EMILIN1: variants seen among roughly 807,000 people sequenced by gnomAD.
EMILIN1 encodes the protein elastin microfibril interfacer 1.
EMILIN1 carries 49 observed loss-of-function variants against 82.4 expected under a neutral mutation model. That is an observed-to-expected ratio of 0.59 (90% CI 0.47 to 0.75). The LOEUF (loss-of-function observed/expected upper bound fraction) is 0.75, where lower values mean the gene tolerates loss of function less well. Ranked by LOEUF, EMILIN1 falls within the 30% of genes least tolerant of loss-of-function variation. The pLI is 0.00. For synonymous variants in EMILIN1, 604 were observed against 602.2 expected (o/e 1.00, Z -0.04); for missense variants, 1,313 against 1,366.4 (o/e 0.96, Z 0.62).
chr2:27,082,477 C>T lies in EMILIN1; in HGVS notation c.906C>T (p.Cys302=). ...RQLEQRLQES[C]SVCLAGLDGF... The stretch of plus-strand genomic sequence containing the variant: ...TGGAGCAGCGGTTGCAGGAGTCCTG[C>T]TCCGTGTGCCTGGCCGGGCTAGATG... The change falls in exon 4 of 8, where the codon TGC becomes TGT. Residue 302 remains cysteine, a synonymous_variant. Transcript: ENST00000380320. 1 of 1,557,154 alleles carries T rather than the reference C, an allele frequency of 6.4e-7. No homozygotes were observed. The highest frequency in any genetic ancestry group is 1.2e-5 in the South Asian group (1 of 86,082).
rs753912561 is a variant in EMILIN1, at chr2:27,082,572, A to T, written c.1001A>T (p.Glu334Val). 1 of 1,542,234 alleles carries T rather than the reference A, an allele frequency of 6.5e-7. No homozygotes were observed. The highest frequency in any genetic ancestry group is 2.0e-5 in the Admixed American group (1 of 50,864). ...ATGGAGAAGCTGCTGGCCTCGGTGG[A>T]GGAGCGGCAACGGCACCTCGCAGGG... ...RAMEKLLASVEERQRHLAGLA... is the reference protein window; with the variant it reads ...RAMEKLLASVVERQRHLAGLA... The change falls in exon 4 of 8, where the codon GAG becomes GTG. Residue 334 changes from glutamate to valine, a missense_variant. Coordinates refer to ENST00000380320, the MANE Select transcript of EMILIN1 (RefSeq NM_007046.4).
At chr2:27,081,852 G>A (rs1414266098) in intron 3 of EMILIN1, among the ~76,000 whole-genome samples, 6 of 152,226 alleles carry the variant, frequency 3.9e-5, no homozygotes, top group African/African-American at 1.2e-4. Context: ...CCTATATGAT[G>A]GGAAGAGTTC....
chr2:27,083,154 G>C lies in EMILIN1; in HGVS notation c.1583G>C (p.Arg528Pro), dbSNP rs371170446. The C allele has an allele frequency of 6.2e-7, 1 of 1,600,928 alleles. No homozygotes were observed. Among genetic ancestry groups the C allele is most frequent in the Non-Finnish European group, 8.5e-7 (1 of 1,172,628 alleles). Reference sequence around the variant, plus strand: ...ACGGTGGAAGCAGCGGGGGAGGCCCGGCAGGCCACGCTGGAGGGATTACAA... The same window carrying C: ...ACGGTGGAAGCAGCGGGGGAGGCCCCGCAGGCCACGCTGGAGGGATTACAA... Reference protein sequence around the residue: ...LHTVEAAGEARQATLEGLQEV... With the variant: ...LHTVEAAGEAPQATLEGLQEV... The change falls in exon 4 of 8, where the codon CGG becomes CCG. Residue 528 changes from arginine (R) to proline (P), a missense_variant. Arg to Pro is a moderately radical substitution (Grantham distance 103). Transcript: ENST00000380320.
intron 7 of EMILIN1, among the ~76,000 whole-genome samples, 170 bp from the exon 8 acceptor site, chr2:27,085,508 C>G (rs1461975168): frequency 6.6e-6 from 1 of 152,226 alleles, no homozygotes; most frequent in Non-Finnish European, 1.5e-5. Flanking sequence ...CCTGCTCCTG[C>G]CCAGGCACTG....
Position 27,083,614 on chromosome 2 carries a change from C to G in EMILIN1, c.2043C>G (p.Thr681=), listed in dbSNP as rs1481591605. The G allele has an allele frequency of 6.2e-7, 1 of 1,612,962 alleles. No homozygotes were observed. Among genetic ancestry groups the G allele is most frequent in the South Asian group, 1.1e-5 (1 of 90,996 alleles). The part of the protein sequence containing the change: ...QGADLADLGA[T]KDRIISEINR... ...CTGATCTGGCTGACCTGGGGGCAAC[C>G]AAGGACCGTATCATTTCTGAGATTA... Residue 681 remains threonine (T), a synonymous_variant, in exon 4 of 8, where the codon ACC becomes ACG. Transcript: ENST00000380320.
chr2:27,079,257 C>A, intron 1 of EMILIN1, 22 bp downstream of exon 1: 1 of 1,532,680 alleles, frequency 6.5e-7, no homozygotes. Context: ...GATCCCAGCC[C>A]GAGGCTTGGG....
At position 27,080,410 on chromosome 2, in the gene EMILIN1, C is replaced by T. The variant is rs1244302279; in HGVS notation, c.290+140C>T. 10 of 1,196,814 alleles carry T rather than the reference C, an allele frequency of 8.4e-6. No homozygotes were observed. The Admixed American group carries it at 9.0e-5, about 11-fold the overall frequency. 74.1% of individuals were successfully genotyped at this position (1,196,814 alleles called of 1,614,324 possible). On this transcript the variant is annotated intron_variant, in intron 2 of 7. Coordinates refer to ENST00000380320, the MANE Select transcript of EMILIN1 (RefSeq NM_007046.4). ...GGGTCACAGCCATTTTGAGGAGATA[C>T]TGAGACAACAGTTTGGCTGGTGGGA...
rs763085035 is a variant in EMILIN1 at position 27,080,761 on chromosome 2, G to A, written c.320G>A (p.Arg107His). 57 of 1,613,550 alleles carry A rather than the reference G, an allele frequency of 3.5e-5. No individual in the cohort carries two copies. Among genetic ancestry groups the A allele is most frequent in the South Asian group, 7.7e-5 (7 of 91,000 alleles). ...CGCCGCTTCCTCCGCCCTCGCTACC[G>A]TGTGGCCTACAAGACAGTGACCGAC... ...MYRRFLRPRY[R>H]VAYKTVTDME... is the part of the protein sequence containing the mutation. The change falls in exon 3 of 8, where the codon CGT (arginine) becomes CAT (histidine). Residue 107 changes from arginine to histidine, a missense_variant. Coordinates refer to ENST00000380320, the MANE Select transcript of EMILIN1 (RefSeq NM_007046.4).
rs774795351 is a variant in EMILIN1, at chr2:27,079,191, G to T, written c.126G>T (p.Gly42=). Residue 42 remains glycine, a synonymous_variant, in exon 1 of 8, where the codon GGG becomes GGT. Transcript: ENST00000380320. ...GTTCCAGTGGGGCCCTCAGCCCCGG[G>T]GGGCCCCAGGCCCAGATTGCCCCCC... ...YTGSSGALSP[G]GPQAQIAPRP... The T allele has an allele frequency of 1.8e-5, 29 of 1,582,152 alleles. No individual in the cohort carries two copies. The East Asian group carries it at 6.6e-4, about 36-fold the overall frequency.
intron 1 of EMILIN1, among the ~76,000 whole-genome samples, chr2:27,079,901 C>T (rs1669444208): frequency 6.6e-6 from 1 of 152,218 alleles, no homozygotes; most frequent in Non-Finnish European, 1.5e-5. Flanking sequence ...GGGACCCCAC[C>T]ACCATGAGGA....
At chr2:27,079,529 GCCTCAGGGAGAACTTTTGT>G (rs1402291214) in intron 1 of EMILIN1, among the ~76,000 whole-genome samples, 1 of 152,144 alleles carries the variant, frequency 6.6e-6, no homozygotes, top group Non-Finnish European at 1.5e-5. Flanking sequence ...TAGCCCCAGA[GCCTCAGGGAGAACTTTTGT>G]CCCCTTCTAG....
rs1206643464 is a variant in EMILIN1, at chr2:27,083,895, T to G, written c.2324T>G (p.Leu775Arg). The part of the protein sequence containing the change: ...TNTTSQMQAA[L>R]LEKLVGGQAG... ...ACCACCAGCCAGATGCAGGCAGCCC[T>G]GCTGGAGAAGCTGGTCGGGGGACAG... Residue 775 changes from leucine (L) to arginine (R), a missense_variant, in exon 4 of 8, where the codon CTG (leucine) becomes CGG (arginine). By Grantham distance (102) the Leu-to-Arg change is moderately radical (BLOSUM62 -2). Coordinates refer to ENST00000380320, the MANE Select transcript of EMILIN1 (RefSeq NM_007046.4). The G allele has an allele frequency of 1.2e-6, 2 of 1,608,982 alleles. No individual in the cohort carries two copies. The highest frequency in any genetic ancestry group is 1.7e-6 in the Non-Finnish European group (2 of 1,176,648).
rs1162230294 is a variant in EMILIN1, at chr2:27,080,924, C to G, written c.483C>G (p.Gly161=). ...ARPNLSGSSA[G]SPLSGLGGEG... ...CCAACCTCTCTGGCTCCAGTGCAGG[C>G]AGCCCCCTCAGTGGACTGGGGGGAG... Residue 161 remains glycine (G), a synonymous_variant, in exon 3 of 8, where the codon GGC becomes GGG. Transcript: ENST00000380320. The G allele has an allele frequency of 6.3e-7, 1 of 1,599,858 alleles. No homozygotes were observed. Among genetic ancestry groups the G allele is most frequent in the South Asian group, 1.1e-5 (1 of 89,334 alleles).
chr2:27,085,556 A>G (rs1297524803), intron 7 of EMILIN1, 122 bp from the exon 8 acceptor site: 2 of 1,032,634 alleles, frequency 1.9e-6, no homozygotes, highest in Non-Finnish European at 1.4e-6. Context: ...CAAAGCCCCC[A>G]GTTCCCTGCC....
chr2:27,085,108 G>T (rs1236309674), intron 6 of EMILIN1, 52 bp from the exon 7 acceptor site: 5 of 1,613,368 alleles, frequency 3.1e-6, no homozygotes, highest in Non-Finnish European at 4.2e-6. Flanking sequence ...AGGGGAAGGG[G>T]GCTGGCACTC....
In EMILIN1 at chr2:27,085,481, G is replaced by C. The variant is rs183155064; in HGVS notation, c.2713+184G>C. Among the ~76,000 whole-genome samples the C allele has an allele frequency of 5.2e-3, 786 of 152,332 alleles. 5 individuals carry two copies. The highest frequency in any genetic ancestry group is 8.6e-3 in the Non-Finnish European group (586 of 68,026). On this transcript the variant is annotated intron_variant, in intron 7 of 7. Coordinates refer to ENST00000380320, the MANE Select transcript of EMILIN1 (RefSeq NM_007046.4). ...GAAGAAGTAGTCATTCATTCATTCA[G>C]CAGATCTTTACTGGGGCCTGCTCCT...
At chr2:27,085,400 C>A in intron 7 of EMILIN1, 103 bp downstream of exon 7, 1 of 1,438,946 alleles carries the variant, frequency 6.9e-7, no homozygotes, top group Non-Finnish European at 9.7e-7. Context: ...TCTTCATTCT[C>A]TGATTTGGGG....
Position 27,082,840 on chromosome 2 carries a change from G to A in EMILIN1, c.1269G>A (p.Glu423=). 2 of 1,576,086 alleles carry A rather than the reference G, an allele frequency of 1.3e-6. No individual in the cohort carries two copies. The highest frequency in any genetic ancestry group is 2.3e-5 in the East Asian group (1 of 44,058). ...RFNSTLGPSE[E]QEESWPGAPG... ...ACTCCACCCTGGGCCCTTCGGAGGA[G>A]CAGGAGGAGAGCTGGCCTGGGGCTC... is the stretch of plus-strand genomic sequence containing the variant. Residue 423 remains glutamate (E), a synonymous_variant, in exon 4 of 8, where the codon GAG becomes GAA. Transcript: ENST00000380320.
rs542322772 is a variant in EMILIN1, at chr2:27,083,644, G to A, written c.2073G>A (p.Arg691=). The change falls in exon 4 of 8, where the codon AGG becomes AGA. Residue 691 remains arginine, a synonymous_variant. Coordinates refer to ENST00000380320, the MANE Select transcript of EMILIN1 (RefSeq NM_007046.4). ...TKDRIISEIN[R]LQQEATEHAT... ...ACCGTATCATTTCTGAGATTAACAG[G>A]CTGCAGCAGGAGGCCACAGAGCATG... The A allele has an allele frequency of 3.1e-6, 5 of 1,612,546 alleles. No individual in the cohort carries two copies. In the South Asian group the frequency reaches 5.5e-5, roughly 18 times the overall value.
Sources: gnomAD v4.1 joint callset for allele counts (sites outside exome capture counted in the v4.1 genomes callset) on GRCh38, gnomAD v4.1.1 for gene constraint, MANE v1.5 for transcripts, NCBI Gene and HGNC (gene_info 2026-07-23, HGNC 2026-07-21) for gene names.